The following STARD13 variants were observed in gnomAD, a reference collection of about 807,000 sequenced individuals.
STARD13 encodes the protein stAR-related lipid transfer protein 13.
In STARD13, 62 loss-of-function variants were observed where a neutral mutation model predicts 106.4. The ratio of observed to expected loss-of-function variants is 0.58; its 90% CI spans 0.48 to 0.72. The LOEUF is 0.72. Ranked by LOEUF, STARD13 falls within the 30% of genes least tolerant of loss-of-function variation. The pLI is 0.00. For synonymous variants in STARD13, 565 were observed against 553.0 expected (o/e 1.02, Z -0.31); for missense variants, 1,387 against 1,424.0 (o/e 0.97, Z 0.42).
chr13:33,212,906 G>T (rs184423128), intron 1 of STARD13, among the ~76,000 whole-genome samples: 3,585 of 152,152 alleles, frequency 0.024, 67 homozygotes, highest in Non-Finnish European at 0.037. Flanking sequence ...AGCAAGTATT[G>T]CTTAAAAAGG....
At chr13:33,486,103 C>G in the STARD13 span, among the ~76,000 whole-genome samples, 1 of 152,042 alleles carries the variant, frequency 6.6e-6, no homozygotes. Context: ...TAGAGTGACC[C>G]TAGGGAAAGA....
intron 1 of STARD13, among the ~76,000 whole-genome samples, chr13:33,237,071 G>A (rs569538846): frequency 2.4e-4 from 37 of 152,034 alleles, no homozygotes; most frequent in African/African-American, 2.2e-4. Context: ...AGATCTACAC[G>A]TTAACTTTTT....
At chr13:33,427,955 CA>C in the STARD13 span, among the ~76,000 whole-genome samples, 11,698 of 100,860 alleles carry the variant, frequency 0.12, 605 homozygotes, top group African/African-American at 0.19. Flanking sequence ...AACTCCGTCT[CA>C]AAAAAAAAAA....
chr13:33,316,224 C>T (rs1893329001), intron 1 of STARD13, among the ~76,000 whole-genome samples: 1 of 152,148 alleles, frequency 6.6e-6, no homozygotes, highest in South Asian at 2.1e-4. Context: ...TTATCTCTCA[C>T]ATGTGGTTTC....
intron 1 of STARD13, among the ~76,000 whole-genome samples, chr13:33,260,342 G>C (rs969648797): frequency 1.3e-5 from 2 of 152,256 alleles, no homozygotes; most frequent in Admixed American, 1.3e-4. Context: ...TGGATTTCCA[G>C]CTGGTGGTCT....
chr13:33,614,706 C>G, the STARD13 span, among the ~76,000 whole-genome samples: 1 of 152,206 alleles, frequency 6.6e-6, no homozygotes, highest in Non-Finnish European at 1.5e-5. Flanking sequence ...CTGTGATTTT[C>G]AAGAAGCAGA....
the STARD13 span, among the ~76,000 whole-genome samples, chr13:33,605,472 C>T: frequency 6.6e-6 from 1 of 151,574 alleles, no homozygotes; most frequent in Non-Finnish European, 1.5e-5. Context: ...CAAAGACCAA[C>T]ACTTTTGTAA....
the STARD13 span, among the ~76,000 whole-genome samples, chr13:33,463,450 A>C: frequency 6.6e-6 from 1 of 152,194 alleles, no homozygotes; most frequent in Non-Finnish European, 1.5e-5. Context: ...TGGTAATGGA[A>C]ACTGACATTG....
At chr13:33,258,239 C>A (rs1477607941) in intron 1 of STARD13, among the ~76,000 whole-genome samples, 1 of 152,064 alleles carries the variant, frequency 6.6e-6, no homozygotes, top group South Asian at 2.1e-4. Context: ...TTTTATCTGG[C>A]GTAGTTAAAG....
intron 1 of STARD13, chr13:33,334,913 A>C (rs897072000): frequency 6.7e-6 from 1 of 149,036 alleles, no homozygotes; most frequent in African/African-American, 2.5e-5. Context: ...TTTAAAACAC[A>C]GCCTGTATTT....
intron 1 of STARD13, among the ~76,000 whole-genome samples, chr13:33,215,716 T>C (rs563414532): frequency 6.6e-6 from 1 of 152,266 alleles, no homozygotes; most frequent in African/African-American, 2.4e-5. Context: ...AGTATTTGAG[T>C]GCAGGCCATT....
At chr13:33,455,596 T>C in the STARD13 span, among the ~76,000 whole-genome samples, 1 of 152,272 alleles carries the variant, frequency 6.6e-6, no homozygotes, top group East Asian at 1.9e-4. Context: ...ATTTTTGTTC[T>C]GTTGTGAGCT....
chr13:33,627,800 T>G, the STARD13 span, among the ~76,000 whole-genome samples: 2 of 152,118 alleles, frequency 1.3e-5, no homozygotes, highest in East Asian at 3.9e-4. Context: ...ACATGTGTCA[T>G]TTATGGCCCA....
the STARD13 span, among the ~76,000 whole-genome samples, chr13:33,633,880 A>C: frequency 6.6e-6 from 1 of 152,106 alleles, no homozygotes; most frequent in Non-Finnish European, 1.5e-5. Context: ...TTCCCTCCTG[A>C]CCACCCTCTT....
chr13:33,423,624 A>G, the STARD13 span, among the ~76,000 whole-genome samples: 13 of 152,334 alleles, frequency 8.5e-5, no homozygotes, highest in African/African-American at 2.9e-4. Flanking sequence ...AAATCATGCT[A>G]CTATAAAGAC....
At chr13:33,675,658 A>G in the STARD13 span, among the ~76,000 whole-genome samples, 1 of 152,214 alleles carries the variant, frequency 6.6e-6, no homozygotes, top group Non-Finnish European at 1.5e-5. Flanking sequence ...TGGAGATCTC[A>G]GGGGAAGTAA....
intron 1 of STARD13, among the ~76,000 whole-genome samples, chr13:33,259,014 C>T (rs1278189834): frequency 6.6e-6 from 1 of 152,172 alleles, no homozygotes; most frequent in Non-Finnish European, 1.5e-5. Flanking sequence ...GGAAGCCTTC[C>T]CTAAGCATTT....
At chr13:33,170,897 A>T (rs1419402568) in intron 1 of STARD13, among the ~76,000 whole-genome samples, 1 of 152,176 alleles carries the variant, frequency 6.6e-6, no homozygotes, top group Non-Finnish European at 1.5e-5. Context: ...CATCCAATTG[A>T]GGGGGGAAGG....
At chr13:33,193,246 A>C (rs1038181252) in intron 1 of STARD13, among the ~76,000 whole-genome samples, 1 of 152,230 alleles carries the variant, frequency 6.6e-6, no homozygotes, top group African/African-American at 2.4e-5. Flanking sequence ...GTAAGAAAAG[A>C]GATCATCTAT....
Sources: gnomAD v4.1 joint callset for allele counts (sites outside exome capture counted in the v4.1 genomes callset) on GRCh38, gnomAD v4.1.1 for gene constraint, MANE v1.5 for transcripts, NCBI Gene and HGNC (gene_info 2026-07-23, HGNC 2026-07-21) for gene names.